Variants in LTBP1 observed in about 807,000 individuals in gnomAD.
LTBP1 encodes the protein latent-transforming growth factor beta-binding protein 1.
In LTBP1, 129 loss-of-function variants were observed where a neutral mutation model predicts 207.6. That is an observed-to-expected ratio of 0.62 (90% CI 0.54 to 0.72). The LOEUF (loss-of-function observed/expected upper bound fraction) is 0.72, where lower values mean the gene tolerates loss of function less well. Among genes scored for constraint, LTBP1 ranks in the 30% least tolerant of loss-of-function variants. The probability of loss-of-function intolerance (pLI) is 0.00; values close to 1 mark genes in which losing one functional copy is unlikely to be tolerated. For missense variants in LTBP1, 2,281 were observed against 2,217.2 expected (o/e 1.03, Z -0.58); for synonymous variants, 963 against 833.7 (o/e 1.16, Z -2.67).
intron 31 of LTBP1, among the ~76,000 whole-genome samples, 181 bp from the exon 32 acceptor site, chr2:33,389,003 G>A (rs574537304): frequency 3.9e-5 from 6 of 152,130 alleles, no homozygotes; most frequent in East Asian, 1.9e-4. Context: ...GTCGTTGTAC[G>A]TGGATGCATA....
intron 10 of LTBP1, among the ~76,000 whole-genome samples, chr2:33,245,307 A>C (rs1558876843): frequency 6.6e-6 from 1 of 152,232 alleles, no homozygotes. Context: ...AACGAAGCTT[A>C]TCTCTCTTAA....
chr2:33,040,114 A>ATTT (rs2076111741), intron 3 of LTBP1, among the ~76,000 whole-genome samples: 1 of 152,174 alleles, frequency 6.6e-6, no homozygotes, highest in Admixed American at 6.5e-5. Context: ...TGGAAGAAAA[A>ATTT]TGAGCAAGAG....
chr2:33,005,496 C>T (rs535739080), intron 2 of LTBP1, among the ~76,000 whole-genome samples: 1 of 152,132 alleles, frequency 6.6e-6, no homozygotes, highest in South Asian at 2.1e-4. Context: ...CTTCCTGATG[C>T]CTGGGCTCTC....
intron 3 of LTBP1, among the ~76,000 whole-genome samples, chr2:33,070,477 C>T (rs570356767): frequency 6.6e-6 from 1 of 152,326 alleles, no homozygotes; most frequent in Non-Finnish European, 1.5e-5. Flanking sequence ...TAAAGAAGTC[C>T]TTTAAGTTTC....
chr2:32,978,826 G>A lies in LTBP1; in HGVS notation c.565+29881G>A, dbSNP rs114103750. ...ATGTTTGGTAAAATTCAGCAGTGAA[G>A]CCACTGCGTCCTGGGCTTTTCCTTC... On this transcript the variant is annotated intron_variant, in intron 2 of 33. Transcript: ENST00000404816. Among the ~76,000 whole-genome samples the A allele has an allele frequency of 7.7e-3, 1,165 of 152,000 alleles. 14 individuals carry two copies. The highest frequency in any genetic ancestry group is 0.026 in the African/African-American group (1,068 of 41,510).
chr2:33,037,240 G>C (rs757051971), intron 3 of LTBP1, among the ~76,000 whole-genome samples: 3 of 152,122 alleles, frequency 2.0e-5, no homozygotes, highest in Non-Finnish European at 4.4e-5. Context: ...ATGTAAGTCT[G>C]TTTCTCCATC....
At chr2:33,320,107 C>A (rs1275049841) in intron 24 of LTBP1, among the ~76,000 whole-genome samples, 2 of 152,094 alleles carry the variant, frequency 1.3e-5, no homozygotes, top group Non-Finnish European at 2.9e-5. Flanking sequence ...GTAGCTCACA[C>A]CTGTGATCCC....
At chr2:33,138,023 G>T (rs151147676) in intron 5 of LTBP1, among the ~76,000 whole-genome samples, 1 of 152,264 alleles carries the variant, frequency 6.6e-6, no homozygotes, top group Non-Finnish European at 1.5e-5. Flanking sequence ...GGTAACATTG[G>T]CTCTATGTGC....
At chr2:33,111,628 A>G (rs1376442783) in intron 4 of LTBP1, among the ~76,000 whole-genome samples, 2 of 152,096 alleles carry the variant, frequency 1.3e-5, no homozygotes, top group Non-Finnish European at 2.9e-5. Context: ...GGTTCCCTAC[A>G]CCCACTCCAC....
chr2:33,155,641 C>T (rs781523635), intron 5 of LTBP1, among the ~76,000 whole-genome samples: 2 of 152,100 alleles, frequency 1.3e-5, no homozygotes, highest in African/African-American at 2.4e-5. Flanking sequence ...GGGGACAAAA[C>T]CACCCCTGAT....
At chr2:33,234,378 C>T (rs576303105) in intron 9 of LTBP1, among the ~76,000 whole-genome samples, 30 of 151,956 alleles carry the variant, frequency 2.0e-4, no homozygotes, top group Non-Finnish European at 3.8e-4. Context: ...CGAGATCGGG[C>T]ACATTCAGGG....
intron 19 of LTBP1, among the ~76,000 whole-genome samples, chr2:33,288,607 G>GCCGAGGCGGGCAGAT (rs1043864827): frequency 1.3e-5 from 2 of 152,136 alleles, no homozygotes; most frequent in Non-Finnish European, 1.5e-5. Context: ...TGTAATCTCA[G>GCCGAGGCGGGCAGAT]CACTTTGGGA....
At chr2:33,000,722 G>T (rs1685963542) in intron 2 of LTBP1, among the ~76,000 whole-genome samples, 1 of 133,970 alleles carries the variant, frequency 7.5e-6, no homozygotes, top group Non-Finnish European at 1.6e-5. Flanking sequence ...GTTAATAGGG[G>T]TTCAGTATAA....
At chr2:33,347,126 A>AC in intron 25 of LTBP1, among the ~76,000 whole-genome samples, 1 of 151,774 alleles carries the variant, frequency 6.6e-6, no homozygotes, top group Non-Finnish European at 1.5e-5. Context: ...TCAAAAAAAA[A>AC]AAAAAAAAAA....
rs144556474 is a variant in LTBP1, at chr2:33,336,566, G to A, written c.3731-6272G>A. ...AAAAATGTTCTAAGACAGGAAGCCC[G>A]TTTCTTCACAACTCTCAGTAGCTTT... On this transcript the variant is annotated intron_variant, in intron 24 of 33. Transcript: ENST00000404816. Among the ~76,000 whole-genome samples the A allele has an allele frequency of 6.0e-4, 92 of 152,284 alleles. 2 individuals are homozygous for A. The East Asian group carries it at 0.013, about 21-fold the overall frequency.
chr2:33,330,294 A>G (rs1201122922), intron 24 of LTBP1, among the ~76,000 whole-genome samples: 1 of 152,020 alleles, frequency 6.6e-6, no homozygotes, highest in African/African-American at 2.4e-5. Flanking sequence ...TCCCACATAT[A>G]CAATTATGTT....
At chr2:33,266,909 C>G (rs1467190062) in intron 15 of LTBP1, among the ~76,000 whole-genome samples, 1 of 152,214 alleles carries the variant, frequency 6.6e-6, no homozygotes, top group African/African-American at 2.4e-5. Context: ...AACATGACCC[C>G]CCCACTCACC....
chr2:33,097,424 C>T (rs769112699), intron 3 of LTBP1, among the ~76,000 whole-genome samples: 1 of 152,042 alleles, frequency 6.6e-6, no homozygotes, highest in African/African-American at 2.4e-5. Context: ...TTTGAAGACC[C>T]CTGCAGTGAC....
chr2:33,259,444 A>T, intron 12 of LTBP1, 144 bp from the exon 13 acceptor site: 1 of 506,868 alleles, frequency 2.0e-6, no homozygotes, highest in East Asian at 3.2e-5. Flanking sequence ...AAAATGGCAG[A>T]TGATCCTAAT....
Sources: gnomAD v4.1 joint callset for allele counts (sites outside exome capture counted in the v4.1 genomes callset) on GRCh38, gnomAD v4.1.1 for gene constraint, MANE v1.5 for transcripts, NCBI Gene and HGNC (gene_info 2026-07-23, HGNC 2026-07-21) for gene names.